Variants in AXDND1 observed in about 807,000 individuals in gnomAD.
AXDND1 encodes the protein axonemal dynein light chain domain containing 1, also known as axonemal dynein light chain domain-containing protein 1.
A neutral mutation model predicts 137.5 loss-of-function variants in AXDND1; 110 were observed. The observed-to-expected ratio is 0.80, with a 90% CI of 0.69 to 0.94. The LOEUF (loss-of-function observed/expected upper bound fraction) is 0.94, where lower values mean the gene tolerates loss of function less well. AXDND1 is among the 40% of genes least tolerant of loss of function. AXDND1 has a pLI of 0.00. For missense variants in AXDND1, 1,191 were observed against 1,169.8 expected, an observed-to-expected ratio of 1.02 and a Z score of -0.26; for synonymous variants, 414 against 399.7, an observed-to-expected ratio of 1.04 and a Z score of -0.43.
intron 12 of AXDND1, among the ~76,000 whole-genome samples, chr1:179,415,925 T>G (rs2125241650): frequency 6.6e-6 from 1 of 152,330 alleles, no homozygotes; most frequent in Non-Finnish European, 1.5e-5. Flanking sequence ...AATATTTGTC[T>G]TTTCTTTGTG....
intron 25 of AXDND1, among the ~76,000 whole-genome samples, chr1:179,548,176 G>A (rs374229967): frequency 6.6e-6 from 1 of 152,136 alleles, no homozygotes; most frequent in Admixed American, 6.6e-5. Flanking sequence ...CATGTGGAGG[G>A]GCCAGCAGGC....
chr1:179,481,518 T>A (rs930362948), intron 17 of AXDND1, among the ~76,000 whole-genome samples: 2 of 152,218 alleles, frequency 1.3e-5, no homozygotes, highest in Non-Finnish European at 2.9e-5. Flanking sequence ...GATGGCTGGG[T>A]CAAATGGTAT....
At chr1:179,391,057 C>T (rs893944805) in intron 9 of AXDND1, among the ~76,000 whole-genome samples, 6 of 150,810 alleles carry the variant, frequency 4.0e-5, no homozygotes, top group East Asian at 1.9e-4. Flanking sequence ...CCACCCACCT[C>T]GGGCCCCCAA....
chr1:179,552,837 G>A, intron 25 of AXDND1: 1 of 687,886 alleles, frequency 1.5e-6, no homozygotes, highest in Non-Finnish European at 2.7e-6. Flanking sequence ...GAGGTCAAAA[G>A]TAGGCAGATC....
chr1:179,390,988 T>C (rs1170923588), intron 9 of AXDND1, among the ~76,000 whole-genome samples: 1 of 152,042 alleles, frequency 6.6e-6, no homozygotes, highest in Non-Finnish European at 1.5e-5. Context: ...GTATTTTTAG[T>C]AGAGATAGGG....
intron 16 of AXDND1, among the ~76,000 whole-genome samples, chr1:179,465,835 C>G (rs1286327256): frequency 6.6e-6 from 1 of 152,174 alleles, no homozygotes; most frequent in Admixed American, 6.5e-5. Context: ...ACGCCCCTCC[C>G]CCAGCCTCGC....
intron 12 of AXDND1, among the ~76,000 whole-genome samples, chr1:179,421,638 C>T (rs1285284934): frequency 6.6e-6 from 1 of 151,524 alleles, no homozygotes; most frequent in Non-Finnish European, 1.5e-5. Context: ...CCTGCCTCGG[C>T]CTGCAAAAGT....
Position 179,511,763 on chromosome 1 carries a change from AGTAGGGT to A in AXDND1, c.2496+2362_2496+2368del, listed in dbSNP as rs1453233083. On this transcript the variant is annotated intron_variant, in intron 21 of 25. Transcript: ENST00000367618. ...TTTTGATTATGGCCATTCTTGCAGG[AGTAGGGT>A]GGTATTGCATTGTCGTTTTGATTTG... Among the ~76,000 whole-genome samples, 21 of 152,114 alleles carry A rather than the reference AGTAGGGT, an allele frequency of 1.4e-4. No individual in the cohort carries two copies. In the East Asian group the frequency reaches 3.7e-3, roughly 27 times the overall value.
At chr1:179,508,992 A>G (rs997786809) in intron 20 of AXDND1, among the ~76,000 whole-genome samples, 3 of 152,196 alleles carry the variant, frequency 2.0e-5, no homozygotes, top group African/African-American at 4.8e-5. Flanking sequence ...GGTCAGTTGC[A>G]TAAAATTTAT....
chr1:179,443,548 G>GT (rs1213631372), intron 15 of AXDND1, among the ~76,000 whole-genome samples: 1 of 152,118 alleles, frequency 6.6e-6, no homozygotes, highest in East Asian at 1.9e-4. Context: ...CCATTAAACT[G>GT]TAAGTCCCTA....
At chr1:179,365,960 A>G (rs1329070008), upstream of AXDND1, 1 of 152,968 alleles carries the variant, frequency 6.5e-6, no homozygotes, top group Non-Finnish European at 1.5e-5. Flanking sequence ...GACGACAAAC[A>G]GGCGTTCCAG....
intron 17 of AXDND1, among the ~76,000 whole-genome samples, chr1:179,474,087 TG>T (rs746087054): frequency 2.1e-4 from 32 of 151,966 alleles, no homozygotes; most frequent in Non-Finnish European, 3.1e-4. Flanking sequence ...TAGTCGGGCG[TG>T]GTGGTGGGTG....
At chr1:179,450,393 T>C in intron 16 of AXDND1, 1 of 152,144 alleles carries the variant, frequency 6.6e-6, no homozygotes, top group Non-Finnish European at 1.5e-5. Context: ...TGGGAGTAGA[T>C]ATTCTTGTCT....
In AXDND1 at chr1:179,432,285, C is replaced by T; in HGVS notation, c.1506C>T (p.Ser502=). The change falls in exon 15 of 26, where the codon TCC becomes TCT. Residue 502 remains serine, a synonymous_variant. Transcript: ENST00000367618. The stretch of plus-strand genomic sequence containing the variant: ...TTTTCAGTGAAAAAGACATTTTATC[C>T]CCTAATAAGGGAAATATATTTAATT... ...QEFFNEKDIL[S]PNKGNIFNSV... 2 of 1,560,020 alleles carry T rather than the reference C, an allele frequency of 1.3e-6. No individual in the cohort carries two copies. Among genetic ancestry groups the T allele is most frequent in the Non-Finnish European group, 1.7e-6 (2 of 1,150,582 alleles).
intron 8 of AXDND1, among the ~76,000 whole-genome samples, chr1:179,383,978 C>A (rs1303291468): frequency 6.6e-6 from 1 of 152,070 alleles, no homozygotes; most frequent in Non-Finnish European, 1.5e-5. Context: ...GCCCACCTCA[C>A]CCTCCCAAAG....
chr1:179,371,759 A>G (rs760168739), intron 4 of AXDND1, among the ~76,000 whole-genome samples: 1 of 152,230 alleles, frequency 6.6e-6, no homozygotes, highest in Non-Finnish European at 1.5e-5. Context: ...GTGAGAGTTC[A>G]GCCTGACATT....
At chr1:179,480,717 G>A (rs554947203) in intron 17 of AXDND1, among the ~76,000 whole-genome samples, 1 of 151,738 alleles carries the variant, frequency 6.6e-6, no homozygotes, top group Non-Finnish European at 1.5e-5. Flanking sequence ...TAGCAACTTT[G>A]GTTGCTACCC....
intron 16 of AXDND1, among the ~76,000 whole-genome samples, chr1:179,460,393 C>CTG (rs1363931929): frequency 1.3e-5 from 2 of 152,146 alleles, no homozygotes; most frequent in Non-Finnish European, 2.9e-5. Context: ...TATGGCTGGG[C>CTG]TGCATAGTAT....
chr1:179,522,070 A>G (rs1356949286), intron 21 of AXDND1, among the ~76,000 whole-genome samples: 3 of 152,144 alleles, frequency 2.0e-5, no homozygotes. Flanking sequence ...TCAGTCATCT[A>G]TTCAAATATT....
Sources: gnomAD v4.1 joint callset for allele counts (sites outside exome capture counted in the v4.1 genomes callset) on GRCh38, gnomAD v4.1.1 for gene constraint, MANE v1.5 for transcripts, NCBI Gene and HGNC (gene_info 2026-07-23, HGNC 2026-07-21) for gene names.